Variants in MTRFR observed in about 807,000 individuals in gnomAD.
MTRFR encodes the protein mitochondrial translation release factor in rescue.
In MTRFR, 10 loss-of-function variants were observed where a neutral mutation model predicts 11.9. That is an observed-to-expected ratio of 0.84 (90% CI 0.52 to 1.42). The LOEUF is 1.42. MTRFR is among the 40% of genes most tolerant of loss of function. The pLI, the probability that MTRFR is intolerant of heterozygous loss-of-function variation, is 0.00. For missense variants in MTRFR, 196 were observed against 197.9 expected, an observed-to-expected ratio of 0.99 and a Z score of 0.06; for synonymous variants, 77 against 79.1, an observed-to-expected ratio of 0.97 and a Z score of 0.14.
intron 1 of MTRFR, among the ~76,000 whole-genome samples, chr12:123,238,166 TAC>T (rs2047880287): frequency 6.6e-6 from 1 of 152,124 alleles, no homozygotes; most frequent in Non-Finnish European, 1.5e-5. Flanking sequence ...GTGCTAGGAT[TAC>T]AGTCATGAGC....
At chr12:123,247,265 T>G (rs1266080227) in intron 1 of MTRFR, among the ~76,000 whole-genome samples, 1 of 152,178 alleles carries the variant, frequency 6.6e-6, no homozygotes, top group African/African-American at 2.4e-5. Flanking sequence ...AGTCCCCCAC[T>G]ATTATTGTGC....
intron 1 of MTRFR, among the ~76,000 whole-genome samples, chr12:123,247,191 TA>T (rs2048054979): frequency 6.6e-6 from 1 of 152,196 alleles, no homozygotes; most frequent in Non-Finnish European, 1.5e-5. Context: ...AGGTATAGTT[TA>T]AATCCATTCT....
Position 123,257,117 on chromosome 12 carries a change from T to G in MTRFR, c.*86T>G. The G allele has an allele frequency of 9.9e-7, 1 of 1,011,900 alleles. No homozygotes were observed. Among genetic ancestry groups the G allele is most frequent in the East Asian group, 2.4e-5 (1 of 42,274 alleles). 62.7% of individuals were successfully genotyped at this position (1,011,900 alleles called of 1,614,324 possible). A position where few individuals can be genotyped will look rare whatever the true frequency, so the allele number is the denominator to read the frequency against. On this transcript the variant is annotated 3_prime_UTR_variant, in exon 3 of 3. Coordinates refer to ENST00000253233, the MANE Select transcript of MTRFR (RefSeq NM_152269.5). ...GCGAGTTCCATCACCAGCATTATTA[T>G]AGTGCTTCAAAAGAAATATTTTTGA...
intron 1 of MTRFR, among the ~76,000 whole-genome samples, chr12:123,243,638 G>C (rs1210800363): frequency 6.6e-6 from 1 of 152,084 alleles, no homozygotes; most frequent in African/African-American, 2.4e-5. Flanking sequence ...CCAGGAGGCG[G>C]AGGTTGCAGG....
chr12:123,232,924 G>A (rs576042238), upstream of MTRFR: 3 of 152,432 alleles, frequency 2.0e-5, no homozygotes, highest in Non-Finnish European at 4.4e-5. Flanking sequence ...CCCACACGCC[G>A]AAGGGCTCCG....
In MTRFR at chr12:123,256,872, G is replaced by GA. The variant is rs2048187484; in HGVS notation, c.345dup (p.Val116SerfsTer8). 6.2e-7 allele frequency: 1 copy of GA among 1,613,748 alleles called. No individual in the cohort carries two copies. Among genetic ancestry groups the GA allele is most frequent in the African/African-American group, 1.3e-5 (1 of 74,852 alleles). ...AGCTAGCTCGGAAAATCCTACAAGA[G>GA]AAAGTAGATGTTTTCTACAATGGTG... On this transcript the variant is annotated frameshift_variant, in exon 3 of 3. Coordinates refer to ENST00000253233, the MANE Select transcript of MTRFR (RefSeq NM_152269.5). LOFTEE classifies it high-confidence loss of function.
chr12:123,256,792 A>G (rs757746339), intron 2 of MTRFR, 21 bp from the exon 3 acceptor site: 1 of 1,588,276 alleles, frequency 6.3e-7, no homozygotes, highest in South Asian at 1.1e-5. Flanking sequence ...TTTTCACATT[A>G]TAAAATATTA....
intron 1 of MTRFR, chr12:123,252,535 C>G (rs1204943459): frequency 6.6e-6 from 1 of 151,554 alleles, no homozygotes; most frequent in Non-Finnish European, 1.5e-5. Flanking sequence ...ACATTCAAAT[C>G]CATGAAACTG....
chr12:123,254,498 G>A (rs893301636), intron 2 of MTRFR: 3 of 160,582 alleles, frequency 1.9e-5, no homozygotes, highest in African/African-American at 7.2e-5. Context: ...GTCCCCTTTG[G>A]TAAATGTCGG....
intron 1 of MTRFR, among the ~76,000 whole-genome samples, chr12:123,238,938 T>C (rs964056064): frequency 1.3e-5 from 2 of 152,154 alleles, no homozygotes; most frequent in Non-Finnish European, 2.9e-5. Flanking sequence ...ACCTAGAATT[T>C]GAAGCCTTCA....
chr12:123,244,497 A>G (rs1021975230), intron 1 of MTRFR, among the ~76,000 whole-genome samples: 1 of 152,224 alleles, frequency 6.6e-6, no homozygotes, highest in Non-Finnish European at 1.5e-5. Flanking sequence ...TCTACTAAGT[A>G]ATCTTCAATA....
At position 123,244,361 on chromosome 12, in the gene MTRFR, G is replaced by A. The variant is rs549778104; in HGVS notation, c.-28-9286G>A. 5.9e-5 allele frequency among the ~76,000 whole-genome samples: 9 copies of A among 152,296 alleles called. 1 individual carries two copies. In the South Asian group the frequency reaches 8.3e-4, roughly 14 times the overall value. ...GCAGGAGAATCACTTGAACCCAGGA[G>A]GCAGAGGTTGCAGCGAGCCAAGATC... On this transcript the variant is annotated intron_variant, in intron 1 of 2. Transcript: ENST00000253233.
intron 2 of MTRFR, among the ~76,000 whole-genome samples, chr12:123,255,891 G>C (rs1593289240): frequency 6.6e-6 from 1 of 152,100 alleles, no homozygotes; most frequent in African/African-American, 2.4e-5. Context: ...CCTCCAAAGT[G>C]CTAGGATTAC....
chr12:123,239,802 A>G (rs1342062152), intron 1 of MTRFR, among the ~76,000 whole-genome samples: 1 of 151,796 alleles, frequency 6.6e-6, no homozygotes, highest in Non-Finnish European at 1.5e-5. Context: ...CAGTTTCCCA[A>G]TCTCCTTGTT....
chr12:123,244,921 G>A (rs961075893), intron 1 of MTRFR, among the ~76,000 whole-genome samples: 5 of 119,692 alleles, frequency 4.2e-5, no homozygotes, highest in East Asian at 4.8e-4. Context: ...ATGAGCCACC[G>A]CACCCGGCAT....
chr12:123,234,585 C>T (rs1310343917), intron 1 of MTRFR, among the ~76,000 whole-genome samples: 1 of 151,904 alleles, frequency 6.6e-6, no homozygotes, highest in African/African-American at 2.4e-5. Flanking sequence ...TTAGTAGAGA[C>T]GGGGTTTTGC....
rs541333556 is a variant in MTRFR at position 123,254,254 on chromosome 12, C to T, written c.282+298C>T. The T allele has an allele frequency of 1.8e-3, 694 of 388,988 alleles. 4 individuals are homozygous for T. Among genetic ancestry groups the T allele is most frequent in the Non-Finnish European group, 2.6e-3 (538 of 210,562 alleles). The allele number at this position is 388,988 out of a possible 1,614,324, so 24.1% of individuals were successfully genotyped here. ...CAGCACTGGTGCTTGGCTGCTGCCCCGGAAGCAACGTCTTGACAAAGCTAA... is the reference window on the plus strand; with the variant it reads ...CAGCACTGGTGCTTGGCTGCTGCCCTGGAAGCAACGTCTTGACAAAGCTAA... On this transcript the variant is annotated intron_variant, in intron 2 of 2. Coordinates refer to ENST00000253233, the MANE Select transcript of MTRFR (RefSeq NM_152269.5).
At chr12:123,241,087 A>C (rs528599825) in intron 1 of MTRFR, among the ~76,000 whole-genome samples, 2 of 151,660 alleles carry the variant, frequency 1.3e-5, no homozygotes, top group Admixed American at 1.3e-4. Flanking sequence ...CTCCAAAGTG[A>C]GAGCTGTTGA....
chr12:123,250,010 C>T (rs2048094408), intron 1 of MTRFR: 1 of 152,186 alleles, frequency 6.6e-6, no homozygotes, highest in South Asian at 2.1e-4. Flanking sequence ...TCAGGAACAC[C>T]AATTATTCTT....
Sources: gnomAD v4.1 joint callset for allele counts (sites outside exome capture counted in the v4.1 genomes callset) on GRCh38, gnomAD v4.1.1 for gene constraint, MANE v1.5 for transcripts, NCBI Gene and HGNC (gene_info 2026-07-23, HGNC 2026-07-21) for gene names.